The following PIK3AP1 variants were observed in gnomAD, a reference collection of about 807,000 sequenced individuals.
The protein encoded by PIK3AP1 is phosphoinositide 3-kinase adapter protein 1.
PIK3AP1 carries 21 observed loss-of-function variants against 88.1 expected under a neutral mutation model. That is an observed-to-expected ratio of 0.24 (90% confidence interval 0.17 to 0.34). PIK3AP1 has a LOEUF of 0.34. Ranked by LOEUF, PIK3AP1 falls within the 10% of genes least tolerant of loss-of-function variation. The pLI is 1.00. For synonymous variants in PIK3AP1, 398 were observed against 400.0 expected, an observed-to-expected ratio of 1.00 and a Z score of 0.06; for missense variants, 828 against 1,035.7, an observed-to-expected ratio of 0.80 and a Z score of 2.75.
intron 6 of PIK3AP1, 125 bp from the exon 7 acceptor site, chr10:96,648,980 T>C (rs1843499042): frequency 2.7e-6 from 2 of 729,538 alleles, no homozygotes; most frequent in African/African-American, 1.8e-5. Flanking sequence ...TACTTATTGA[T>C]TGACTGACCT....
intron 2 of PIK3AP1, among the ~76,000 whole-genome samples, chr10:96,693,558 G>A (rs868306034): frequency 6.6e-6 from 1 of 152,190 alleles, no homozygotes; most frequent in African/African-American, 2.4e-5. Flanking sequence ...TAGAGGAAGA[G>A]CTTCTTCTCT....
At chr10:96,646,613 T>C (rs1048320925) in intron 7 of PIK3AP1, among the ~76,000 whole-genome samples, 6 of 152,102 alleles carry the variant, frequency 3.9e-5, no homozygotes, top group African/African-American at 1.4e-4. Context: ...ACTCCGCAGC[T>C]TGGCACACTA....
chr10:96,700,900 G>A (rs918140629), intron 2 of PIK3AP1: 20 of 985,002 alleles, frequency 2.0e-5, no homozygotes, highest in African/African-American at 1.9e-4. Context: ...TGCCTGTGAC[G>A]CGCCAAGGCC....
intron 2 of PIK3AP1, 29 bp from the exon 3 acceptor site, chr10:96,656,963 G>T (rs773017913): frequency 3.1e-6 from 5 of 1,604,402 alleles, no homozygotes; most frequent in Non-Finnish European, 4.3e-6. Context: ...CGCTGAATGG[G>T]AACGGCAGGA....
At chr10:96,641,085 C>CCG in intron 8 of PIK3AP1, among the ~76,000 whole-genome samples, 1 of 114,390 alleles carries the variant, frequency 8.7e-6, no homozygotes, top group East Asian at 2.5e-4. Context: ...TGTGAGTGTG[C>CCG]CGTGTGTGTG....
At chr10:96,626,974 A>G in intron 9 of PIK3AP1, 69 bp from the exon 10 acceptor site, 1 of 1,424,146 alleles carries the variant, frequency 7.0e-7, no homozygotes, top group Non-Finnish European at 9.9e-7. Flanking sequence ...GTCATAAAGC[A>G]GAGTGAGGGA....
intron 8 of PIK3AP1, among the ~76,000 whole-genome samples, chr10:96,629,934 A>G (rs1843221939): frequency 1.0e-5 from 1 of 97,268 alleles, no homozygotes; most frequent in Admixed American, 1.0e-4. Flanking sequence ...AAAAAAAAAG[A>G]AGAAGAAGAA....
intron 2 of PIK3AP1, among the ~76,000 whole-genome samples, chr10:96,701,585 T>G (rs1182465388): frequency 6.6e-6 from 1 of 152,186 alleles, no homozygotes; most frequent in Admixed American, 6.5e-5. Flanking sequence ...GTACACATTC[T>G]CCATACGACT....
intron 8 of PIK3AP1, among the ~76,000 whole-genome samples, chr10:96,630,821 G>A (rs1442034548): frequency 1.3e-5 from 2 of 152,042 alleles, no homozygotes; most frequent in Non-Finnish European, 2.9e-5. Context: ...CAGCCTGGGT[G>A]ACACAGTGAA....
chr10:96,597,751 A>G lies in PIK3AP1; in HGVS notation c.2361-2117T>C, dbSNP rs534337659. Among the ~76,000 whole-genome samples, 100 of 152,264 alleles carry G rather than the reference A, an allele frequency of 6.6e-4. 1 individual carries two copies. Among genetic ancestry groups the G allele is most frequent in the Middle Eastern group, 6.8e-3 (2 of 294 alleles). On this transcript the variant is annotated intron_variant, in intron 16 of 16. Coordinates refer to ENST00000339364, the MANE Select transcript of PIK3AP1 (RefSeq NM_152309.3). ...GGCTTGGAGTAGGCACACAACAAGT[A>G]AAGCTAATAATGAGATAATGACGAT... is the stretch of plus-strand genomic sequence containing the variant.
Position 96,623,512 on chromosome 10 carries a change from C to T in PIK3AP1, c.1695G>A (p.Arg565=), listed in dbSNP as rs922297353. The change falls in exon 11 of 17, where the codon CGG becomes CGA. Residue 565 remains arginine, a synonymous_variant. Coordinates refer to ENST00000339364, the MANE Select transcript of PIK3AP1 (RefSeq NM_152309.3). ...FKVFAEKSQE[R]PGNFYVSSES... ...CTGAGGAAACGTAGAAATTCCCAGG[C>T]CGCTCTTGACTTTTTTCTGCAAAAA... 2.5e-6 allele frequency: 4 copies of T among 1,611,828 alleles called. No homozygotes were observed. The highest frequency in any genetic ancestry group is 1.7e-4 in the Middle Eastern group (1 of 6,054).
intron 2 of PIK3AP1, among the ~76,000 whole-genome samples, chr10:96,696,881 T>G (rs1187652969): frequency 6.6e-6 from 1 of 152,250 alleles, no homozygotes; most frequent in African/African-American, 2.4e-5. Flanking sequence ...TTGATAGGAT[T>G]TGGAAAAATA....
At chr10:96,648,908 T>C (rs975902105) in intron 6 of PIK3AP1, 53 bp from the exon 7 acceptor site, 4 of 1,445,100 alleles carry the variant, frequency 2.8e-6, no homozygotes, top group Non-Finnish European at 3.7e-6. Flanking sequence ...AGGCACAGGG[T>C]GCCCTTGTTC....
rs1420572892 is a variant in PIK3AP1, at chr10:96,661,887, G to C, written c.431-4953C>G. On this transcript the variant is annotated intron_variant, in intron 2 of 16. Coordinates refer to ENST00000339364, the MANE Select transcript of PIK3AP1 (RefSeq NM_152309.3). ...AGGGAAAGGAGAGGGGAAAGTGAGG[G>C]GTACTATTTAGATTCTTCCTAATTC... 4.0e-5 allele frequency among the ~76,000 whole-genome samples: 6 copies of C among 150,698 alleles called. No individual in the cohort carries two copies. The East Asian group carries it at 1.2e-3, about 29-fold the overall frequency.
chr10:96,616,951 T>C (rs771938938), intron 12 of PIK3AP1, among the ~76,000 whole-genome samples: 2 of 152,184 alleles, frequency 1.3e-5, no homozygotes, highest in Non-Finnish European at 2.9e-5. Context: ...TCCCCTCTGG[T>C]TCTCAGCTCT....
At chr10:96,601,162 T>C (rs187740373) in intron 16 of PIK3AP1, among the ~76,000 whole-genome samples, 7 of 152,278 alleles carry the variant, frequency 4.6e-5, no homozygotes, top group Admixed American at 3.9e-4. Context: ...AGTTCTGTTA[T>C]TATCCTCATT....
At chr10:96,612,590 G>A (rs1199051185) in intron 13 of PIK3AP1, among the ~76,000 whole-genome samples, 1 of 152,022 alleles carries the variant, frequency 6.6e-6, no homozygotes, top group East Asian at 1.9e-4. Context: ...CATAAATGAT[G>A]CCTTCTCTTT....
intron 2 of PIK3AP1, among the ~76,000 whole-genome samples, chr10:96,664,143 AT>A (rs1434277683): frequency 6.6e-6 from 1 of 152,250 alleles, no homozygotes; most frequent in East Asian, 1.9e-4. Context: ...CAAAATAAAG[AT>A]TCTGAACCAA....
At chr10:96,631,140 A>C (rs1843239472) in intron 8 of PIK3AP1, among the ~76,000 whole-genome samples, 1 of 152,218 alleles carries the variant, frequency 6.6e-6, no homozygotes, top group Non-Finnish European at 1.5e-5. Flanking sequence ...CCTGTGGTCC[A>C]GCTTTATACT....
Sources: gnomAD v4.1 joint callset for allele counts (sites outside exome capture counted in the v4.1 genomes callset) on GRCh38, gnomAD v4.1.1 for gene constraint, MANE v1.5 for transcripts, NCBI Gene and HGNC (gene_info 2026-07-23, HGNC 2026-07-21) for gene names.